The following SV2B variants were observed in gnomAD, a reference collection of about 807,000 sequenced individuals.
SV2B encodes the protein solute carrier family 22 member B2.
In SV2B, 41 loss-of-function variants were observed where a neutral mutation model predicts 73.9. That is an observed-to-expected ratio of 0.56 (90% CI 0.43 to 0.72). The LOEUF (loss-of-function observed/expected upper bound fraction) is 0.72, where lower values mean the gene tolerates loss of function less well. Among genes scored for constraint, SV2B ranks in the 30% least tolerant of loss-of-function variants. SV2B has a pLI of 0.00. For synonymous variants in SV2B, 314 were observed against 314.2 expected (o/e 1.00, Z 0.01); for missense variants, 764 against 857.8 (o/e 0.89, Z 1.37).
chr15:91,200,312 G>T (rs2045414825), intron 1 of SV2B, among the ~76,000 whole-genome samples: 1 of 152,204 alleles, frequency 6.6e-6, no homozygotes, highest in Admixed American at 6.5e-5. Flanking sequence ...GAACAGTAAG[G>T]TACAGAGAGT....
At chr15:91,114,649 G>A (rs905403710) in intron 1 of SV2B, among the ~76,000 whole-genome samples, 1 of 152,116 alleles carries the variant, frequency 6.6e-6, no homozygotes, top group Non-Finnish European at 1.5e-5. Context: ...TAAGAGGGGA[G>A]GTAACTGTTT....
chr15:91,179,499 A>T (rs1002690215), intron 1 of SV2B, among the ~76,000 whole-genome samples: 3 of 152,018 alleles, frequency 2.0e-5, no homozygotes, highest in Non-Finnish European at 4.4e-5. Flanking sequence ...GGGCTGTTAA[A>T]GTTTCCCATT....
In SV2B at chr15:91,105,673, A is replaced by C. The variant is rs2041862184; in HGVS notation, c.-392+5310A>C. Among the ~76,000 whole-genome samples the C allele has an allele frequency of 6.6e-6, 1 of 151,890 alleles. No individual in the cohort carries two copies. Among genetic ancestry groups the C allele is most frequent in the South Asian group, 2.1e-4 (1 of 4,812 alleles). On this transcript the variant is annotated intron_variant, in intron 1 of 12. Coordinates refer to ENST00000394232, the MANE Select transcript of SV2B (RefSeq NM_001323032.3). This position sits in a 1 kb window ranked among gnomAD's most constrained non-coding sequence, Gnocchi z 5.5. ...CCTTGAGCTTTAGAGCTTAGTGTAG[A>C]CTCTTGGAGGATAAGGGTGGAAACA...
rs1384881649 is a variant in SV2B at position 91,226,311 on chromosome 15, T to G, written c.48T>G (p.Ser16Arg). 1 of 1,614,174 alleles carries G rather than the reference T, an allele frequency of 6.2e-7. No homozygotes were observed. The highest frequency in any genetic ancestry group is 1.7e-5 in the Admixed American group (1 of 60,028). ...ACAATTATGGGGGCTATGCTCCCAG[T>G]GATGGCTATTACCGCGGCAATGAGT... The part of the protein sequence containing the change: ...YQDNYGGYAP[S>R]DGYYRGNESN... The change falls in exon 2 of 13, where the codon AGT becomes AGG. Residue 16 changes from serine to arginine, a missense_variant. Physicochemically the swap from Ser to Arg is moderately radical, Grantham distance 110. Coordinates refer to ENST00000394232, the MANE Select transcript of SV2B (RefSeq NM_001323032.3).
At chr15:91,207,064 C>T (rs1279647688) in intron 1 of SV2B, among the ~76,000 whole-genome samples, 1 of 151,814 alleles carries the variant, frequency 6.6e-6, no homozygotes, top group African/African-American at 2.4e-5. Context: ...TTTGAGTCAC[C>T]CAGGCTGGAG....
chr15:91,213,516 G>A (rs375338398), intron 1 of SV2B, among the ~76,000 whole-genome samples: 4 of 151,946 alleles, frequency 2.6e-5, no homozygotes, highest in East Asian at 1.9e-4. Flanking sequence ...TAAATTTAAA[G>A]TGCTCAACTC....
At chr15:91,254,357 C>T (rs1310004538) in intron 4 of SV2B, among the ~76,000 whole-genome samples, 1 of 151,704 alleles carries the variant, frequency 6.6e-6, no homozygotes. Context: ...GTGTCTCAGA[C>T]ACCCAAGTAG....
In SV2B at chr15:91,130,002, C is replaced by T. The variant is rs775798538; in HGVS notation, c.-392+29639C>T. On this transcript the variant is annotated intron_variant, in intron 1 of 12. Coordinates refer to ENST00000394232, the MANE Select transcript of SV2B (RefSeq NM_001323032.3). The surrounding 1 kb of genome is among the most constrained non-coding windows in gnomAD (Gnocchi z 5.6). ...ACCATTCCAAGGAGATGGCCGTCAA[C>T]GCTAGGGGTGGATAAATTGGGAAGA... Among the ~76,000 whole-genome samples the T allele has an allele frequency of 6.6e-5, 10 of 152,116 alleles. No individual in the cohort carries two copies. Among genetic ancestry groups the T allele is most frequent in the South Asian group, 4.1e-4 (2 of 4,826 alleles).
chr15:91,301,801 T>C lies in SV2B; in HGVS notation c.*9249T>C, dbSNP rs1191594606. On this transcript the variant is annotated 3_prime_UTR_variant, in exon 13 of 13. Coordinates refer to ENST00000394232, the MANE Select transcript of SV2B (RefSeq NM_001323032.3). The surrounding 1 kb of genome is among the most constrained non-coding windows in gnomAD (Gnocchi z 4.3). ...GAGCATCCCAAGTCTGCACATTTGATATCTAAAATACTCCAGTGAGCTTTT... is the reference window on the plus strand; with the variant it reads ...GAGCATCCCAAGTCTGCACATTTGACATCTAAAATACTCCAGTGAGCTTTT... 5.3e-5 allele frequency among the ~76,000 whole-genome samples: 8 copies of C among 152,244 alleles called. No homozygotes were observed. Among genetic ancestry groups the C allele is most frequent in the Non-Finnish European group, 1.5e-5 (1 of 68,042 alleles).
At chr15:91,166,380 A>G (rs893743502) in intron 1 of SV2B, among the ~76,000 whole-genome samples, 3 of 152,028 alleles carry the variant, frequency 2.0e-5, no homozygotes, top group Non-Finnish European at 4.4e-5. Flanking sequence ...AATTATATAT[A>G]TCTTAGTTTT....
Position 91,236,805 on chromosome 15 carries a change from G to A in SV2B, c.451+10091G>A, listed in dbSNP as rs1411214905. Among the ~76,000 whole-genome samples the A allele has an allele frequency of 2.0e-5, 3 of 152,074 alleles. No homozygotes were observed. Among genetic ancestry groups the A allele is most frequent in the Admixed American group, 6.6e-5 (1 of 15,262 alleles). On this transcript the variant is annotated intron_variant, in intron 2 of 12. Coordinates refer to ENST00000394232, the MANE Select transcript of SV2B (RefSeq NM_001323032.3). The surrounding 1 kb of genome is among the most constrained non-coding windows in gnomAD (Gnocchi z 4.1). ...CTGGAAGGTGGGGGCTGGAATCATC[G>A]GAGGGCTCACCCACACAAATATCTG...
chr15:91,169,982 C>G lies in SV2B; in HGVS notation c.-391-55891C>G, dbSNP rs1184011789. ...TGACTGAAGAGAATCAATTACTTTC[C>G]GATGGTTGAAGGGGCCTTAGACACC... is the stretch of plus-strand genomic sequence containing the variant. On this transcript the variant is annotated intron_variant, in intron 1 of 12. Transcript: ENST00000394232. 5.3e-5 allele frequency among the ~76,000 whole-genome samples: 8 copies of G among 152,168 alleles called. No homozygotes were observed. The East Asian group carries it at 1.5e-3, about 29-fold the overall frequency.
chr15:91,123,659 G>A lies in SV2B; in HGVS notation c.-392+23296G>A, dbSNP rs183167202. On this transcript the variant is annotated intron_variant, in intron 1 of 12. Transcript: ENST00000394232. This position sits in a 1 kb window ranked among gnomAD's most constrained non-coding sequence, Gnocchi z 4.7. ...GAGGATTTGCATTTGCTGAAGGCCAGTTATTTGTCTAGCACTTTCTGAAGA... is the reference window on the plus strand; with the variant it reads ...GAGGATTTGCATTTGCTGAAGGCCAATTATTTGTCTAGCACTTTCTGAAGA... Among the ~76,000 whole-genome samples, 25 of 152,300 alleles carry A rather than the reference G, an allele frequency of 1.6e-4. No homozygotes were observed. The highest frequency in any genetic ancestry group is 1.0e-3 in the Admixed American group (16 of 15,306).
In SV2B at chr15:91,241,114, A is replaced by T. The variant is rs2046993531; in HGVS notation, c.452-10705A>T. Among the ~76,000 whole-genome samples the T allele has an allele frequency of 6.6e-6, 1 of 152,086 alleles. No homozygotes were observed. The highest frequency in any genetic ancestry group is 1.5e-5 in the Non-Finnish European group (1 of 68,014). On this transcript the variant is annotated intron_variant, in intron 2 of 12. Transcript: ENST00000394232. This position sits in a 1 kb window ranked among gnomAD's most constrained non-coding sequence, Gnocchi z 4.8. ...CATCTCTCTATTATTGTCCTTGGAG[A>T]TTTTAATAAGTGATTTCCATTATCC...
At chr15:91,163,707 G>C (rs978644824) in intron 1 of SV2B, among the ~76,000 whole-genome samples, 3 of 152,156 alleles carry the variant, frequency 2.0e-5, no homozygotes, top group Non-Finnish European at 4.4e-5. Flanking sequence ...CTCCCATTCT[G>C]AAGGTTGCCT....
chr15:91,119,844 A>T (rs978556821), intron 1 of SV2B, among the ~76,000 whole-genome samples: 1 of 152,180 alleles, frequency 6.6e-6, no homozygotes, highest in Non-Finnish European at 1.5e-5. Flanking sequence ...TATGAGATTG[A>T]GCACTTTTAT....
Position 91,167,105 on chromosome 15 carries a change from G to T in SV2B, c.-391-58768G>T, listed in dbSNP as rs142555977. Among the ~76,000 whole-genome samples, 403 of 152,176 alleles carry T rather than the reference G, an allele frequency of 2.6e-3. 2 individuals are homozygous for T. Among genetic ancestry groups the T allele is most frequent in the African/African-American group, 9.2e-3 (382 of 41,536 alleles). On this transcript the variant is annotated intron_variant, in intron 1 of 12. Coordinates refer to ENST00000394232, the MANE Select transcript of SV2B (RefSeq NM_001323032.3). ...TGGGATTACAGGCGTGAGCCACCGC[G>T]CCCGGCCGTATAGTTTTTATTTCTG...
At chr15:91,165,831 C>G (rs1395758099) in intron 1 of SV2B, among the ~76,000 whole-genome samples, 1 of 152,168 alleles carries the variant, frequency 6.6e-6, no homozygotes, top group Non-Finnish European at 1.5e-5. Context: ...TTACCATTTC[C>G]AAGTTTTTTC....
Position 91,293,179 on chromosome 15 carries a change from A to G in SV2B, c.*627A>G, listed in dbSNP as rs1424832088. The G allele has an allele frequency of 2.0e-5, 3 of 152,324 alleles. No homozygotes were observed. Among genetic ancestry groups the G allele is most frequent in the Non-Finnish European group, 4.4e-5 (3 of 68,030 alleles). The allele number at this position is 152,324 out of a possible 1,614,324, so 9.4% of individuals were successfully genotyped here. On this transcript the variant is annotated 3_prime_UTR_variant, in exon 13 of 13. Transcript: ENST00000394232. ...GCTTTCCATGATAATTAGGTAATAC[A>G]TTTAAGAAGGATATTTATTTCTGTT...
Sources: allele counts gnomAD v4.1 joint callset (sites outside exome capture counted in the v4.1 genomes callset), GRCh38; gene constraint gnomAD v4.1.1; non-coding constraint Gnocchi (gnomAD v3.1); transcripts MANE v1.5; gene names NCBI Gene and HGNC (gene_info 2026-07-23, HGNC 2026-07-21).